The following ENPP2 variants were observed in gnomAD, a reference collection of about 807,000 sequenced individuals.
The protein encoded by ENPP2 is ectonucleotide pyrophosphatase/phosphodiesterase 2, also known as autotaxin.
ENPP2 carries 51 observed loss-of-function variants against 120.2 expected under a neutral mutation model. That is an observed-to-expected ratio of 0.42 (90% confidence interval 0.34 to 0.54). The LOEUF (loss-of-function observed/expected upper bound fraction) is 0.54. ENPP2 is among the 20% of genes least tolerant of loss of function. The pLI, the probability that ENPP2 is intolerant of heterozygous loss-of-function variation, is 0.04. For missense variants in ENPP2, 920 were observed against 1,066.5 expected, an observed-to-expected ratio of 0.86 and a Z score of 1.91; for synonymous variants, 365 against 366.4, an observed-to-expected ratio of 1.00 and a Z score of 0.04.
chr8:119,561,672 A>G (rs916021924), intron 24 of ENPP2, among the ~76,000 whole-genome samples: 2 of 152,130 alleles, frequency 1.3e-5, no homozygotes, highest in African/African-American at 2.4e-5. Context: ...CCACAGGATG[A>G]GTGAATCAGG....
rs367751455 is a variant in ENPP2 at position 119,617,440 on chromosome 8, G to T, written c.577+26C>A. 2.0e-6 allele frequency: 3 copies of T among 1,487,680 alleles called. No individual in the cohort carries two copies. The African/African-American group carries it at 4.2e-5, about 21-fold the overall frequency. 92.2% of individuals were successfully genotyped at this position (1,487,680 alleles called of 1,614,324 possible). A position where few individuals can be genotyped will look rare whatever the true frequency, so the allele number is the denominator to read the frequency against. Reference sequence around the variant, plus strand: ...TGTGGAGATCCTAGATTACAGATAAGAACACAGAGTATGGAAATTACTTAC... The same window carrying T: ...TGTGGAGATCCTAGATTACAGATAATAACACAGAGTATGGAAATTACTTAC... On this transcript the variant is annotated intron_variant, in intron 6 of 24. Coordinates refer to ENST00000075322, the MANE Select transcript of ENPP2 (RefSeq NM_001040092.3).
intron 2 of ENPP2, among the ~76,000 whole-genome samples, chr8:119,638,123 T>A (rs1445583789): frequency 6.6e-6 from 1 of 152,230 alleles, no homozygotes; most frequent in Non-Finnish European, 1.5e-5. Flanking sequence ...CCAACACCTG[T>A]TCTCACCACT....
At chr8:119,626,468 A>G in intron 3 of ENPP2, 97 bp downstream of exon 3, 1 of 882,944 alleles carries the variant, frequency 1.1e-6, no homozygotes, top group Admixed American at 2.0e-5. Context: ...CACAGTTTGG[A>G]TAGACCAAAG....
At chr8:119,602,718 G>A (rs1814403584) in intron 9 of ENPP2, among the ~76,000 whole-genome samples, 2 of 152,132 alleles carry the variant, frequency 1.3e-5, no homozygotes. Context: ...TTTCCCAACA[G>A]GGAGCACAAA....
chr8:119,580,207 A>G (rs763339715), intron 18 of ENPP2, 40 bp from the exon 19 acceptor site: 1 of 1,535,338 alleles, frequency 6.5e-7, no homozygotes, highest in East Asian at 2.2e-5. Flanking sequence ...AAGAAAGCAA[A>G]TCAGAAATGT....
At chr8:119,610,230 T>C (rs1037343227) in intron 8 of ENPP2, among the ~76,000 whole-genome samples, 1 of 151,884 alleles carries the variant, frequency 6.6e-6, no homozygotes, top group Non-Finnish European at 1.5e-5. Context: ...GTGTAAACTA[T>C]GGAGGCAATT....
intron 24 of ENPP2, among the ~76,000 whole-genome samples, chr8:119,557,999 G>A (rs1563658101): frequency 6.6e-6 from 1 of 152,134 alleles, no homozygotes; most frequent in African/African-American, 2.4e-5. Context: ...AAAACCAAAG[G>A]CCCTAGAGAA....
intron 9 of ENPP2, among the ~76,000 whole-genome samples, chr8:119,605,442 G>A (rs1039731049): frequency 2.7e-5 from 4 of 149,120 alleles, no homozygotes; most frequent in South Asian, 2.1e-4. Context: ...GTGTGTGTGT[G>A]TGTGTGTGTG....
chr8:119,652,825 A>C (rs1817663499), intron 1 of ENPP2, among the ~76,000 whole-genome samples: 1 of 152,212 alleles, frequency 6.6e-6, no homozygotes, highest in Non-Finnish European at 1.5e-5. Flanking sequence ...GGTTGAAATC[A>C]AGAGTTTAAA....
chr8:119,638,320 T>C, intron 2 of ENPP2, 105 bp downstream of exon 2: 1 of 637,568 alleles, frequency 1.6e-6, no homozygotes, highest in Non-Finnish European at 2.7e-6. Flanking sequence ...AACTTAGTTA[T>C]ACTGCAAGAT....
Position 119,582,492 on chromosome 8 carries a change from T to C in ENPP2, c.1654A>G (p.Asn552Asp). Reference protein sequence around the residue: ...PTMPEEVTRPNYPGIMYLQSD... With the variant: ...PTMPEEVTRPDYPGIMYLQSD... ...TGAAGGTACATAATCCCTGGATAAT[T>C]GGGTCTGGTAACTTCCTCTGGCATG... The change falls in exon 18 of 25, where the codon AAT (asparagine) becomes GAT (aspartate). Residue 552 changes from asparagine to aspartate, a missense_variant. By Grantham distance (23) the Asn-to-Asp change is conservative. Coordinates refer to ENST00000075322, the MANE Select transcript of ENPP2 (RefSeq NM_001040092.3). The C allele has an allele frequency of 6.2e-7, 1 of 1,614,104 alleles. No individual in the cohort carries two copies. The highest frequency in any genetic ancestry group is 8.5e-7 in the Non-Finnish European group (1 of 1,179,946).
intron 3 of ENPP2, among the ~76,000 whole-genome samples, chr8:119,623,240 T>C (rs1587509126): frequency 6.6e-6 from 1 of 151,864 alleles, no homozygotes; most frequent in Non-Finnish European, 1.5e-5. Flanking sequence ...CCGAGGCAGG[T>C]GGATCGTGAG....
At position 119,593,767 on chromosome 8, in the gene ENPP2, A is replaced by G. The variant is rs771128092; in HGVS notation, c.1066T>C (p.Phe356Leu). Residue 356 changes from phenylalanine to leucine, a missense_variant, in exon 12 of 25, where the codon TTT becomes CTT. By Grantham distance (22) the Phe-to-Leu change is conservative. Transcript: ENST00000075322. Reference protein sequence around the residue: ...LKLHRCVNVIFVGDHGMEDVT... With the variant: ...LKLHRCVNVILVGDHGMEDVT... ...AAAGCTTTACCATGGTCTCCGACAA[A>G]GATGACGTTGACACACCGATGCAGT... 1.2e-6 allele frequency: 2 copies of G among 1,605,800 alleles called. No individual in the cohort carries two copies. The highest frequency in any genetic ancestry group is 2.2e-5 in the South Asian group (2 of 90,932).
At chr8:119,636,776 C>A (rs76782088) in intron 2 of ENPP2, among the ~76,000 whole-genome samples, 17,586 of 150,846 alleles carry the variant, frequency 0.12, 1,221 homozygotes, top group Middle Eastern at 0.24. Flanking sequence ...CAGAATAATT[C>A]CTGGGATTTT....
chr8:119,564,296 A>AT (rs1315570749), intron 23 of ENPP2, among the ~76,000 whole-genome samples: 3 of 152,226 alleles, frequency 2.0e-5, no homozygotes, highest in Non-Finnish European at 2.9e-5. Flanking sequence ...CCTTTAATAC[A>AT]TTTTTTTCAT....
intron 23 of ENPP2, among the ~76,000 whole-genome samples, chr8:119,564,276 A>G (rs1001746150): frequency 6.6e-6 from 1 of 152,136 alleles, no homozygotes; most frequent in Non-Finnish European, 1.5e-5. Flanking sequence ...ATGACTAAAC[A>G]AAATTAAATC....
intron 5 of ENPP2, chr8:119,618,124 T>C (rs1815603776): frequency 2.9e-6 from 1 of 347,008 alleles, no homozygotes. Flanking sequence ...GAAACATTTC[T>C]GTTTTGTAAC....
chr8:119,572,126 C>T (rs745675908), intron 19 of ENPP2: 1 of 1,022,390 alleles, frequency 9.8e-7, no homozygotes, highest in South Asian at 1.4e-5. Flanking sequence ...AACAGTAGTA[C>T]TTAGGGGCAG....
At chr8:119,649,194 G>A (rs537443247) in intron 1 of ENPP2, among the ~76,000 whole-genome samples, 91 of 149,874 alleles carry the variant, frequency 6.1e-4, no homozygotes, top group African/African-American at 2.1e-3. Context: ...GAGATCGGGA[G>A]CATCCTGGCT....
Sources: allele counts gnomAD v4.1 joint callset (sites outside exome capture counted in the v4.1 genomes callset), GRCh38; gene constraint gnomAD v4.1.1; transcripts MANE v1.5; gene names NCBI Gene and HGNC (gene_info 2026-07-23, HGNC 2026-07-21).